Variants in REC114 observed in about 807,000 individuals in gnomAD.
REC114 encodes the protein REC114 meiotic recombination protein.
Under a neutral mutation model 31.3 loss-of-function variants are expected in REC114, and 27 were observed. That is an observed-to-expected ratio of 0.86 (90% CI 0.64 to 1.19). The LOEUF (loss-of-function observed/expected upper bound fraction) is 1.19, where lower values mean the gene tolerates loss of function less well. Among genes scored for constraint, REC114 ranks in the 50% most tolerant of loss-of-function variants. REC114 has a pLI of 0.00. For missense variants in REC114, 344 were observed against 326.9 expected (o/e 1.05, Z -0.40); for synonymous variants, 134 against 127.7 (o/e 1.05, Z -0.33).
At chr15:73,497,222 A>G (rs973369699) in intron 2 of REC114, among the ~76,000 whole-genome samples, 2 of 152,176 alleles carry the variant, frequency 1.3e-5, no homozygotes, top group African/African-American at 4.8e-5. Flanking sequence ...CACTAATTTT[A>G]GCATCAATTG....
chr15:73,495,508 T>TG (rs1893508269), intron 2 of REC114, among the ~76,000 whole-genome samples: 1 of 130,702 alleles, frequency 7.7e-6, no homozygotes, highest in Non-Finnish European at 1.7e-5. Context: ...CTGCCAGTCT[T>TG]AAAAAAAAAA....
At position 73,559,588 on chromosome 15, in the gene REC114, T is replaced by C. The variant is rs796423185; in HGVS notation, c.637-164T>C. On this transcript the variant is annotated intron_variant, in intron 5 of 5. Coordinates refer to ENST00000331090, the MANE Select transcript of REC114 (RefSeq NM_001042367.2). ...ACATATTAATATACAAAATTGTAAA[T>C]GTAACAGTAAAACTATGTAAAGGAA... is the stretch of plus-strand genomic sequence containing the variant. Among the ~76,000 whole-genome samples, 10 of 152,352 alleles carry C rather than the reference T, an allele frequency of 6.6e-5. No homozygotes were observed. In the East Asian group the frequency reaches 1.3e-3, roughly 21 times the overall value.
intron 3 of REC114, among the ~76,000 whole-genome samples, chr15:73,550,668 G>A (rs1424765116): frequency 6.6e-6 from 1 of 152,172 alleles, no homozygotes; most frequent in Non-Finnish European, 1.5e-5. Flanking sequence ...AATCAGTATA[G>A]TGATCTTCCT....
chr15:73,548,486 GA>G (rs1258818805), intron 3 of REC114, among the ~76,000 whole-genome samples: 1 of 152,174 alleles, frequency 6.6e-6, no homozygotes, highest in Non-Finnish European at 1.5e-5. Flanking sequence ...CTGATCATTA[GA>G]GACATGAAAA....
chr15:73,559,809 G>A lies in REC114; in HGVS notation c.694G>A (p.Glu232Lys). 1 of 1,612,744 alleles carries A rather than the reference G, an allele frequency of 6.2e-7. No individual in the cohort carries two copies. Among genetic ancestry groups the A allele is most frequent in the Non-Finnish European group, 8.5e-7 (1 of 1,179,412 alleles). ...HVYEQSAWGA[E>K]ELGPFLRLCL... ...CTATGAACAATCTGCATGGGGTGCA[G>A]AAGAGTTAGGCCCCTTCCTACGTTT... is the stretch of plus-strand genomic sequence containing the variant. Residue 232 changes from glutamate (E) to lysine (K), a missense_variant, in exon 6 of 6, where the codon GAA becomes AAA. Glu to Lys is a moderately conservative substitution (Grantham distance 56, BLOSUM62 1). Coordinates refer to ENST00000331090, the MANE Select transcript of REC114 (RefSeq NM_001042367.2).
chr15:73,509,466 T>C (rs895746030), intron 2 of REC114, among the ~76,000 whole-genome samples: 4 of 150,904 alleles, frequency 2.7e-5, no homozygotes, highest in Non-Finnish European at 4.4e-5. Context: ...TTTGTCAATT[T>C]TGTCTTTTGT....
At chr15:73,475,087 C>T (rs1893192701) in intron 2 of REC114, among the ~76,000 whole-genome samples, 1 of 152,138 alleles carries the variant, frequency 6.6e-6, no homozygotes, top group Non-Finnish European at 1.5e-5. Flanking sequence ...TTAGTTCTCC[C>T]TGCCAATATC....
intron 1 of REC114, among the ~76,000 whole-genome samples, chr15:73,449,446 GA>G (rs998407826): frequency 9.2e-5 from 14 of 152,042 alleles, no homozygotes; most frequent in African/African-American, 2.7e-4. Flanking sequence ...CAAGGTTAGA[GA>G]AAAGAGTGAA....
At chr15:73,537,437 A>C (rs1894171267) in intron 2 of REC114, among the ~76,000 whole-genome samples, 1 of 152,164 alleles carries the variant, frequency 6.6e-6, no homozygotes, top group South Asian at 2.1e-4. Flanking sequence ...ACCCCTTCTC[A>C]GGTCCTGCTT....
intron 4 of REC114, among the ~76,000 whole-genome samples, chr15:73,555,508 A>G (rs1007716042): frequency 3.3e-5 from 5 of 152,136 alleles, no homozygotes; most frequent in African/African-American, 7.2e-5. Context: ...TGGACCTTAG[A>G]GCATCCCTGT....
intron 2 of REC114, among the ~76,000 whole-genome samples, chr15:73,538,287 A>C (rs1401819450): frequency 6.6e-6 from 1 of 152,146 alleles, no homozygotes; most frequent in Non-Finnish European, 1.5e-5. Flanking sequence ...AAAAAATGCA[A>C]ACTGTCTCAT....
At chr15:73,514,315 G>A (rs1171643723) in intron 2 of REC114, among the ~76,000 whole-genome samples, 22 of 151,156 alleles carry the variant, frequency 1.5e-4, no homozygotes, top group South Asian at 1.0e-3. Context: ...CGCACGGTGC[G>A]CGCACCCACT....
At chr15:73,477,698 A>C (rs1168659032) in intron 2 of REC114, among the ~76,000 whole-genome samples, 4 of 152,200 alleles carry the variant, frequency 2.6e-5, no homozygotes, top group Admixed American at 6.5e-5. Context: ...GATTATAGGC[A>C]TGAGTCACTG....
At chr15:73,444,768 A>C (rs936780699) in intron 1 of REC114, among the ~76,000 whole-genome samples, 1 of 152,204 alleles carries the variant, frequency 6.6e-6, no homozygotes, top group Non-Finnish European at 1.5e-5. Flanking sequence ...AACTGCCCAG[A>C]TCCATCAGAG....
intron 1 of REC114, among the ~76,000 whole-genome samples, chr15:73,467,892 CTT>C (rs112871881): frequency 4.1e-5 from 6 of 145,750 alleles, no homozygotes; most frequent in East Asian, 2.0e-4. Context: ...GCTCAAGAAT[CTT>C]TTTTTTTTTT....
intron 2 of REC114, among the ~76,000 whole-genome samples, chr15:73,481,168 A>G (rs1242761302): frequency 6.6e-6 from 1 of 152,160 alleles, no homozygotes; most frequent in Non-Finnish European, 1.5e-5. Context: ...TGTGTGTGAT[A>G]TGTTTATGTA....
At chr15:73,445,498 A>G (rs1892752366) in intron 1 of REC114, among the ~76,000 whole-genome samples, 1 of 152,218 alleles carries the variant, frequency 6.6e-6, no homozygotes, top group Non-Finnish European at 1.5e-5. Flanking sequence ...GCTAACTGGC[A>G]TAAGAGGTCT....
At chr15:73,490,058 G>A (rs944552208) in intron 2 of REC114, among the ~76,000 whole-genome samples, 3 of 152,184 alleles carry the variant, frequency 2.0e-5, no homozygotes, top group Non-Finnish European at 4.4e-5. Context: ...CACTTTGCTA[G>A]GCTGTAGCCC....
intron 2 of REC114, among the ~76,000 whole-genome samples, chr15:73,522,424 A>C (rs1893948752): frequency 6.6e-6 from 1 of 152,190 alleles, no homozygotes; most frequent in Non-Finnish European, 1.5e-5. Context: ...TATGTAGAAT[A>C]TTTGTATTAC....
Sources: gnomAD v4.1 joint callset for allele counts (sites outside exome capture counted in the v4.1 genomes callset) on GRCh38, gnomAD v4.1.1 for gene constraint, MANE v1.5 for transcripts, NCBI Gene and HGNC (gene_info 2026-07-23, HGNC 2026-07-21) for gene names.